The following SLC8A1 variants were observed in gnomAD, a reference collection of about 807,000 sequenced individuals.
SLC8A1 encodes the protein sodium/calcium exchanger 1.
SLC8A1 carries 18 observed loss-of-function variants against 68.3 expected under a neutral mutation model. The ratio of observed to expected loss-of-function variants is 0.26; its 90% CI spans 0.18 to 0.39. SLC8A1 has a LOEUF of 0.39. Ranked by LOEUF, SLC8A1 falls within the 10% of genes least tolerant of loss-of-function variation. The pLI is 1.00. For missense variants in SLC8A1, 985 were observed against 1,156.7 expected, an observed-to-expected ratio of 0.85 and a Z score of 2.15; for synonymous variants, 475 against 415.5, an observed-to-expected ratio of 1.14 and a Z score of -1.74.
At chr2:40,310,468 G>C (rs1003552461) in intron 2 of SLC8A1, among the ~76,000 whole-genome samples, 1 of 152,168 alleles carries the variant, frequency 6.6e-6, no homozygotes, top group Non-Finnish European at 1.5e-5. Flanking sequence ...AAGAGAGAAA[G>C]AACAGTGGGT....
At chr2:40,431,252 C>A (rs72798675) in intron 1 of SLC8A1, among the ~76,000 whole-genome samples, 2 of 151,986 alleles carry the variant, frequency 1.3e-5, no homozygotes, top group Non-Finnish European at 2.9e-5. Context: ...TGTTCCTTCT[C>A]GGTGTCGGTC....
intron 2 of SLC8A1, 60 bp from the exon 3 acceptor site, chr2:40,178,553 T>A (rs546907764): frequency 2.1e-6 from 3 of 1,419,754 alleles, no homozygotes; most frequent in African/African-American, 1.4e-5. Flanking sequence ...AGAAGGAACA[T>A]AGAGAAGAGG....
chr2:40,179,954 G>T (rs923340448), intron 2 of SLC8A1, among the ~76,000 whole-genome samples: 1 of 152,040 alleles, frequency 6.6e-6, no homozygotes, highest in Non-Finnish European at 1.5e-5. Context: ...CGTACTCTCT[G>T]TTCCTCAGCT....
At chr2:40,337,332 A>T (rs1417851856) in intron 2 of SLC8A1, 1 of 353,550 alleles carries the variant, frequency 2.8e-6, no homozygotes, top group Non-Finnish European at 6.4e-6. Flanking sequence ...TGTTTTGTAA[A>T]TATCATACTA....
At chr2:40,278,332 G>A (rs1032899936) in intron 2 of SLC8A1, among the ~76,000 whole-genome samples, 13 of 151,982 alleles carry the variant, frequency 8.6e-5, no homozygotes, top group South Asian at 2.1e-4. Context: ...AGCTGGGCAT[G>A]GTGGTGCGCA....
chr2:40,444,828 G>A (rs556693923), intron 1 of SLC8A1, among the ~76,000 whole-genome samples: 3 of 152,242 alleles, frequency 2.0e-5, no homozygotes, highest in East Asian at 1.9e-4. Flanking sequence ...CACCAGAGTT[G>A]ATAAATTATG....
chr2:40,126,455 C>T (rs2038113608), intron 7 of SLC8A1, among the ~76,000 whole-genome samples: 1 of 152,020 alleles, frequency 6.6e-6, no homozygotes, highest in South Asian at 2.1e-4. Context: ...GAGAAGAATC[C>T]AGGGCAGTGG....
At chr2:40,262,347 C>A (rs1252805611) in intron 2 of SLC8A1, among the ~76,000 whole-genome samples, 2 of 152,236 alleles carry the variant, frequency 1.3e-5, no homozygotes, top group African/African-American at 2.4e-5. Context: ...CTCTTTAAAC[C>A]AATGCTTTCC....
intron 2 of SLC8A1, among the ~76,000 whole-genome samples, chr2:40,339,808 C>A (rs1443398331): frequency 6.6e-6 from 1 of 152,142 alleles, no homozygotes; most frequent in African/African-American, 2.4e-5. Context: ...GAAAGACAGA[C>A]AGAAGTTACT....
intron 2 of SLC8A1, among the ~76,000 whole-genome samples, chr2:40,415,856 GTA>G (rs1491173196): frequency 3.1e-4 from 30 of 96,138 alleles, no homozygotes; most frequent in South Asian, 7.3e-4. Flanking sequence ...TCTACTAAAA[GTA>G]TACACACACA....
At chr2:40,410,676 TCA>T (rs1208648734) in intron 2 of SLC8A1, among the ~76,000 whole-genome samples, 1 of 152,146 alleles carries the variant, frequency 6.6e-6, no homozygotes, top group African/African-American at 2.4e-5. Flanking sequence ...ATGCATTACT[TCA>T]CAGTTATCAT....
At chr2:40,290,250 C>G (rs539418451) in intron 2 of SLC8A1, among the ~76,000 whole-genome samples, 1 of 150,114 alleles carries the variant, frequency 6.7e-6, no homozygotes, top group African/African-American at 2.5e-5. Flanking sequence ...AGGCAAATAA[C>G]TGCAGCTGAA....
At chr2:40,145,277 T>A (rs1419990679) in intron 6 of SLC8A1, among the ~76,000 whole-genome samples, 2 of 152,194 alleles carry the variant, frequency 1.3e-5, no homozygotes, top group Admixed American at 1.3e-4. Context: ...TTTCTTAAGG[T>A]TGAATCATAA....
At chr2:40,210,603 G>C (rs186294778) in intron 2 of SLC8A1, among the ~76,000 whole-genome samples, 4 of 152,246 alleles carry the variant, frequency 2.6e-5, no homozygotes, top group Non-Finnish European at 4.4e-5. Context: ...ATCTTAAAAG[G>C]GCTCTTGCTG....
intron 2 of SLC8A1, among the ~76,000 whole-genome samples, chr2:40,339,768 C>T (rs1250227959): frequency 6.6e-6 from 1 of 152,140 alleles, no homozygotes; most frequent in Non-Finnish European, 1.5e-5. Context: ...CTTTCAATTT[C>T]TAAGACGTAT....
intron 2 of SLC8A1, among the ~76,000 whole-genome samples, chr2:40,265,536 G>T (rs900771513): frequency 2.0e-5 from 3 of 152,152 alleles, no homozygotes; most frequent in African/African-American, 4.8e-5. Flanking sequence ...TGATGAGAAA[G>T]ATCCATTAGT....
intron 2 of SLC8A1, among the ~76,000 whole-genome samples, chr2:40,339,758 C>T (rs995718580): frequency 3.3e-5 from 5 of 152,150 alleles, no homozygotes; most frequent in African/African-American, 1.2e-4. Context: ...TTGTGAAATA[C>T]TTTCAATTTC....
intron 2 of SLC8A1, among the ~76,000 whole-genome samples, chr2:40,380,405 T>C (rs1681365396): frequency 6.6e-6 from 1 of 152,184 alleles, no homozygotes; most frequent in African/African-American, 2.4e-5. Context: ...GTACAGCCTA[T>C]TCAATTTCTT....
chr2:40,309,365 G>A (rs905986533), intron 2 of SLC8A1, among the ~76,000 whole-genome samples: 16 of 151,092 alleles, frequency 1.1e-4, no homozygotes, highest in African/African-American at 3.7e-4. Flanking sequence ...GGCTTTGGAA[G>A]GCGCACAGAT....
Sources: gnomAD v4.1 joint callset for allele counts (sites outside exome capture counted in the v4.1 genomes callset) on GRCh38, gnomAD v4.1.1 for gene constraint, MANE v1.5 for transcripts, NCBI Gene and HGNC (gene_info 2026-07-23, HGNC 2026-07-21) for gene names.